Variants in CHTF18 observed in about 807,000 individuals in gnomAD.
CHTF18 encodes the protein chromosome transmission fidelity factor 18.
In CHTF18, 151 loss-of-function variants were observed where a neutral mutation model predicts 113.4. That is an observed-to-expected ratio of 1.33 (90% CI 1.17 to 1.52). The LOEUF is 1.52. Among genes scored for constraint, CHTF18 ranks in the 40% most tolerant of loss-of-function variants. CHTF18 has a pLI of 0.00. For synonymous variants in CHTF18, 916 were observed against 598.8 expected (o/e 1.53, Z -7.74); for missense variants, 1,982 against 1,381.6 (o/e 1.43, Z -6.89).
chr16:795,723 G>C lies in CHTF18; in HGVS notation c.2214G>C (p.Gln738His). The C allele has an allele frequency of 6.2e-7, 1 of 1,606,254 alleles. No individual in the cohort carries two copies. The highest frequency in any genetic ancestry group is 8.5e-7 in the Non-Finnish European group (1 of 1,178,040). The stretch of plus-strand genomic sequence containing the variant: ...TGAGCCAGATGAGGAACCTGATCCA[G>C]ACGCTGGTGTCCGGCATCGCGCCAG... ...NRMSQMRNLIQTLVSGIAPAT... is the reference protein window; with the variant it reads ...NRMSQMRNLIHTLVSGIAPAT... The change falls in exon 17 of 22, where the codon CAG (glutamine) becomes CAC (histidine). Residue 738 changes from glutamine to histidine, a missense_variant. Coordinates refer to ENST00000262315, the MANE Select transcript of CHTF18 (RefSeq NM_022092.3).
intron 14 of CHTF18, chr16:793,580 C>T (rs1174988726): frequency 5.4e-6 from 3 of 550,840 alleles, no homozygotes; most frequent in Non-Finnish European, 9.9e-6. Flanking sequence ...CAGTTGCACC[C>T]TCATTTTTGC....
Position 792,877 on chromosome 16 carries a change from C to T in CHTF18, c.1572+66C>T. 3.3e-6 allele frequency: 5 copies of T among 1,529,604 alleles called. No individual in the cohort carries two copies. In the African/African-American group the frequency reaches 4.1e-5, roughly 13 times the overall value. 94.8% of individuals were successfully genotyped at this position (1,529,604 alleles called of 1,614,324 possible). Reference sequence around the variant, plus strand: ...TGGGGGCGTGGCCTCGTTCTGGCCCCTGTTTCCCTGCCCCTCCCCATGGAA... The same window carrying T: ...TGGGGGCGTGGCCTCGTTCTGGCCCTTGTTTCCCTGCCCCTCCCCATGGAA... On this transcript the variant is annotated intron_variant, in intron 12 of 21. Coordinates refer to ENST00000262315, the MANE Select transcript of CHTF18 (RefSeq NM_022092.3).
In CHTF18 at chr16:790,630, T is replaced by C; in HGVS notation, c.858T>C (p.Phe286=). Residue 286 remains phenylalanine (F), a synonymous_variant, in exon 7 of 22, where the codon TTT becomes TTC. Coordinates refer to ENST00000262315, the MANE Select transcript of CHTF18 (RefSeq NM_022092.3). ...GTCACTGCCTCTGGGTGGATGAGTTTGCACCCCGCCACTACACGGAGCTGC... is the reference window on the plus strand; with the variant it reads ...GTCACTGCCTCTGGGTGGATGAGTTCGCACCCCGCCACTACACGGAGCTGC... ...ASSHCLWVDE[F]APRHYTELLS... is the part of the protein sequence containing the mutation. 1 of 1,582,934 alleles carries C rather than the reference T, an allele frequency of 6.3e-7. No individual in the cohort carries two copies.
In CHTF18 at chr16:793,062, C is replaced by T; in HGVS notation, c.1669C>T (p.Gln557Ter). The T allele has an allele frequency of 1.4e-6, 2 of 1,400,474 alleles. No individual in the cohort carries two copies. Among genetic ancestry groups the T allele is most frequent in the Non-Finnish European group, 1.9e-6 (2 of 1,031,784 alleles). The allele number at this position is 1,400,474 out of a possible 1,614,324, so 86.8% of individuals were successfully genotyped here. ...NDIRACINTL[Q>*]FLYSRGQREL... ...CATCCGGGCCTGCATCAACACCCTGCAGGTGGGCGGCCGGCAGGCACCGGG... is the reference window on the plus strand; with the variant it reads ...CATCCGGGCCTGCATCAACACCCTGTAGGTGGGCGGCCGGCAGGCACCGGG... The change falls in exon 13 of 22, where the codon CAG (glutamine) becomes TAG (stop). Residue 557 changes from glutamine (Q) to a stop codon, truncating the protein, a stop_gained and splice_region_variant. Coordinates refer to ENST00000262315, the MANE Select transcript of CHTF18 (RefSeq NM_022092.3). LOFTEE classifies it high-confidence loss of function.
chr16:789,505 C>T (rs533409649), intron 3 of CHTF18, 42 bp from the exon 4 acceptor site: 14 of 1,562,354 alleles, frequency 9.0e-6, no homozygotes, highest in Admixed American at 1.8e-5. Flanking sequence ...AAGGGTGACC[C>T]CACGCTTGAG....
At chr16:789,420 CA>C in intron 3 of CHTF18, 60 bp downstream of exon 3, 1 of 1,534,876 alleles carries the variant, frequency 6.5e-7, no homozygotes, top group Non-Finnish European at 8.8e-7. Flanking sequence ...AGATGGAGCC[CA>C]TCCCGTGCCC....
chr16:794,496 C>T (rs1200134252), intron 15 of CHTF18, among the ~76,000 whole-genome samples: 2 of 152,048 alleles, frequency 1.3e-5, no homozygotes, highest in South Asian at 2.1e-4. Flanking sequence ...GAGCCCCTGC[C>T]GGACAGCCTG....
At chr16:790,717 T>G (rs757081210) in intron 7 of CHTF18, 51 bp downstream of exon 7, 1 of 1,476,328 alleles carries the variant, frequency 6.8e-7, no homozygotes, top group East Asian at 2.4e-5. Context: ...GTTCCCAAGA[T>G]GGAAGAACCT....
At chr16:792,076 G>A in intron 9 of CHTF18, 128 bp downstream of exon 9, 1 of 1,534,146 alleles carries the variant, frequency 6.5e-7, no homozygotes, top group Non-Finnish European at 8.8e-7. Flanking sequence ...GTGTGGGCCG[G>A]GAAAACGTGT....
rs779989502 is a variant in CHTF18 at position 796,758 on chromosome 16, G to C, written c.2498G>C (p.Arg833Pro). The part of the protein sequence containing the change: ...ELCRFPELPA[R>P]KPLTYQTKQL... ...TGCCGCTTCCCTGAGCTGCCTGCCC[G>C]CAAGCCCCTCACCTACCAGACGAAG... Residue 833 changes from arginine to proline, a missense_variant, in exon 19 of 22, where the codon CGC becomes CCC. Physicochemically the swap from Arg to Pro is moderately radical, Grantham distance 103. Coordinates refer to ENST00000262315, the MANE Select transcript of CHTF18 (RefSeq NM_022092.3). 4 of 1,607,282 alleles carry C rather than the reference G, an allele frequency of 2.5e-6. No homozygotes were observed. In the East Asian group the frequency reaches 8.9e-5, roughly 36 times the overall value.
intron 2 of CHTF18, 42 bp downstream of exon 2, chr16:789,167 G>T: frequency 6.5e-7 from 1 of 1,549,928 alleles, no homozygotes; most frequent in Non-Finnish European, 8.7e-7. Context: ...GAGTGGGCGC[G>T]AGGCTGAGGA....
intron 14 of CHTF18, 30 bp downstream of exon 14, chr16:793,304 T>A (rs1030906614): frequency 6.2e-7 from 1 of 1,601,882 alleles, no homozygotes; most frequent in South Asian, 1.1e-5. Flanking sequence ...TCGGCCCAGA[T>A]GCTCACGGTG....
In CHTF18 at chr16:796,789, C is replaced by T. The variant is rs2042360463; in HGVS notation, c.2529C>T (p.Leu843=). 2 of 1,610,844 alleles carry T rather than the reference C, an allele frequency of 1.2e-6. No individual in the cohort carries two copies. Among genetic ancestry groups the T allele is most frequent in the Non-Finnish European group, 1.7e-6 (2 of 1,179,650 alleles). Residue 843 remains leucine, a synonymous_variant, in exon 19 of 22, where the codon CTC becomes CTT. Transcript: ENST00000262315. ...CCCTCACCTACCAGACGAAGCAGCT[C>T]ATCGCCCGCGAGATCGAGGTGGAGA... ...RKPLTYQTKQ[L]IAREIEVEKM...
At chr16:793,849 G>A (rs986670439) in intron 14 of CHTF18, 2 of 643,584 alleles carry the variant, frequency 3.1e-6, no homozygotes, top group Admixed American at 5.4e-5. Context: ...TCAGAGTGGG[G>A]CTCCTCGGCT....
At chr16:793,893 G>A (rs540351742) in intron 14 of CHTF18, 161 bp from the exon 15 acceptor site, 15 of 747,076 alleles carry the variant, frequency 2.0e-5, no homozygotes, top group African/African-American at 8.7e-5. Context: ...AGGTCCGGGC[G>A]TGTCTTTGGC....
At position 790,082 on chromosome 16, in the gene CHTF18, G is replaced by C. The variant is rs1355500292; in HGVS notation, c.607-95G>C. 4.6e-6 allele frequency: 7 copies of C among 1,538,120 alleles called. No individual in the cohort carries two copies. In the African/African-American group the frequency reaches 9.6e-5, roughly 21 times the overall value. On this transcript the variant is annotated intron_variant, in intron 4 of 21. Coordinates refer to ENST00000262315, the MANE Select transcript of CHTF18 (RefSeq NM_022092.3). Reference sequence around the variant, plus strand: ...ACCCCTCACTGGCCAGCTTACTGGGGTTGTCCCACCCGGGTCCCTGAGCAC... The same window carrying C: ...ACCCCTCACTGGCCAGCTTACTGGGCTTGTCCCACCCGGGTCCCTGAGCAC...
intron 20 of CHTF18, 96 bp from the exon 21 acceptor site, chr16:797,598 C>A: frequency 1.5e-6 from 2 of 1,378,806 alleles, no homozygotes; most frequent in South Asian, 1.2e-5. Flanking sequence ...GTGTTCTGGT[C>A]CCTCCTCCCT....
rs1240891172 is a variant in CHTF18 at position 792,819 on chromosome 16, G to C, written c.1572+8G>C. The C allele has an allele frequency of 1.3e-6, 2 of 1,539,158 alleles. No homozygotes were observed. Among genetic ancestry groups the C allele is most frequent in the East Asian group, 4.9e-5 (2 of 40,874 alleles). ...GTGCAGCGGCTCCAGGAGGTCGGTG[G>C]AGCCCCAGGAGCCGTGTGGCTGATG... is the stretch of plus-strand genomic sequence containing the variant. On this transcript the variant is annotated splice_region_variant and intron_variant, in intron 12 of 21. Transcript: ENST00000262315.
intron 14 of CHTF18, 101 bp from the exon 15 acceptor site, chr16:793,953 G>A (rs1416670558): frequency 7.5e-7 from 1 of 1,338,826 alleles, no homozygotes; most frequent in Admixed American, 2.0e-5. Flanking sequence ...AGAATGAAGT[G>A]GGTGGCAGCT....
Sources: gnomAD v4.1 joint callset for allele counts (sites outside exome capture counted in the v4.1 genomes callset) on GRCh38, gnomAD v4.1.1 for gene constraint, MANE v1.5 for transcripts, NCBI Gene and HGNC (gene_info 2026-07-23, HGNC 2026-07-21) for gene names.